Variants in SGCZ observed in about 807,000 individuals in gnomAD.
The protein encoded by SGCZ is sarcoglycan zeta.
In SGCZ, 40 loss-of-function variants were observed where a neutral mutation model predicts 41.3. The observed-to-expected ratio is 0.97, with a 90% CI of 0.75 to 1.26. The LOEUF (loss-of-function observed/expected upper bound fraction) is 1.26, where lower values mean the gene tolerates loss of function less well. Among genes scored for constraint, SGCZ ranks in the 50% most tolerant of loss-of-function variants. SGCZ has a pLI of 0.00. For missense variants in SGCZ, 552 were observed against 369.8 expected, an observed-to-expected ratio of 1.49 and a Z score of -4.04; for synonymous variants, 206 against 137.5, an observed-to-expected ratio of 1.50 and a Z score of -3.49.
intron 2 of SGCZ, among the ~76,000 whole-genome samples, chr8:14,399,632 T>C (rs530877662): frequency 6.6e-6 from 1 of 152,284 alleles, no homozygotes; most frequent in South Asian, 2.1e-4. Flanking sequence ...TTGTGTGCCC[T>C]TTATTCAACT....
At chr8:14,978,653 C>T (rs1017937761) in intron 1 of SGCZ, among the ~76,000 whole-genome samples, 11 of 151,986 alleles carry the variant, frequency 7.2e-5, no homozygotes, top group Non-Finnish European at 1.5e-4. Flanking sequence ...TGAAACAAGT[C>T]TTCAAATCTC....
chr8:14,525,898 G>C (rs1349131465), intron 2 of SGCZ, among the ~76,000 whole-genome samples: 2 of 151,786 alleles, frequency 1.3e-5, no homozygotes. Context: ...ACGATGCAGA[G>C]TATTTTACTT....
intron 2 of SGCZ, among the ~76,000 whole-genome samples, chr8:14,335,795 C>G (rs147271517): frequency 9.1e-4 from 139 of 152,170 alleles, no homozygotes; most frequent in African/African-American, 3.3e-3. Flanking sequence ...GAGCTTGTGC[C>G]AGTCTCTATT....
intron 2 of SGCZ, among the ~76,000 whole-genome samples, chr8:14,331,465 G>A (rs1177358456): frequency 6.6e-6 from 1 of 152,004 alleles, no homozygotes; most frequent in Non-Finnish European, 1.5e-5. Flanking sequence ...TGCTTTATAT[G>A]TGTGTTTTAC....
chr8:14,375,238 G>A (rs144652359), intron 2 of SGCZ, among the ~76,000 whole-genome samples: 1 of 152,204 alleles, frequency 6.6e-6, no homozygotes, highest in African/African-American at 2.4e-5. Context: ...AGATATAACA[G>A]TTGTGCACTG....
At chr8:14,888,654 T>A (rs571542091) in intron 1 of SGCZ, among the ~76,000 whole-genome samples, 1 of 152,248 alleles carries the variant, frequency 6.6e-6, no homozygotes, top group East Asian at 1.9e-4. Flanking sequence ...GATAAGTAAT[T>A]CTTTAGTATA....
intron 6 of SGCZ, among the ~76,000 whole-genome samples, chr8:14,104,208 T>C (rs1414644451): frequency 6.6e-6 from 1 of 152,190 alleles, no homozygotes; most frequent in Non-Finnish European, 1.5e-5. Context: ...TAGTGAATTA[T>C]AATTGTATTC....
At chr8:14,532,898 T>C (rs1460241216) in intron 2 of SGCZ, among the ~76,000 whole-genome samples, 1 of 151,976 alleles carries the variant, frequency 6.6e-6, no homozygotes, top group Non-Finnish European at 1.5e-5. Context: ...ATAATGTCAT[T>C]GTGCAAACAA....
chr8:14,978,756 G>A (rs7834329), intron 1 of SGCZ, among the ~76,000 whole-genome samples: 82,937 of 151,782 alleles, frequency 0.55, 23,041 homozygotes, highest in African/African-American at 0.59. Context: ...AAAGAAGACC[G>A]ATAAATTGAT....
At chr8:14,172,077 T>A (rs1488392614) in intron 4 of SGCZ, among the ~76,000 whole-genome samples, 1 of 152,092 alleles carries the variant, frequency 6.6e-6, no homozygotes, top group Non-Finnish European at 1.5e-5. Context: ...TCACAGAAAG[T>A]CTGGTTTCTG....
intron 3 of SGCZ, among the ~76,000 whole-genome samples, chr8:14,281,929 C>A (rs1394489550): frequency 1.3e-5 from 2 of 151,660 alleles, no homozygotes; most frequent in Non-Finnish European, 2.9e-5. Context: ...CTTATTTTTC[C>A]TACACTCCAT....
chr8:14,127,540 C>T (rs1802900155), intron 5 of SGCZ, among the ~76,000 whole-genome samples: 1 of 152,118 alleles, frequency 6.6e-6, no homozygotes. Context: ...ACTGCATCCT[C>T]CGCCTCCCGG....
At chr8:14,287,708 TC>T (rs1227343202) in intron 3 of SGCZ, among the ~76,000 whole-genome samples, 1 of 152,028 alleles carries the variant, frequency 6.6e-6, no homozygotes, top group Non-Finnish European at 1.5e-5. Context: ...TTCTTCAGGT[TC>T]CCCCATTATC....
chr8:14,397,352 A>G (rs1798947926), intron 2 of SGCZ, among the ~76,000 whole-genome samples: 1 of 152,176 alleles, frequency 6.6e-6, no homozygotes, highest in Admixed American at 6.6e-5. Flanking sequence ...CTCCTTCCCA[A>G]TTAAAATAAA....
chr8:14,276,669 A>G (rs1300851585), intron 3 of SGCZ, among the ~76,000 whole-genome samples: 3 of 152,040 alleles, frequency 2.0e-5, no homozygotes, highest in African/African-American at 4.8e-5. Flanking sequence ...TTTCTTTCCA[A>G]TTTGTATTTT....
chr8:15,164,349 A>AGCTCCCAGCC (rs1251362693), intron 1 of SGCZ, among the ~76,000 whole-genome samples: 1 of 151,962 alleles, frequency 6.6e-6, no homozygotes, highest in East Asian at 2.0e-4. Context: ...GGTGAGCAGC[A>AGCTCCCAGCC]GCTCCCAGCC....
rs562677204 is a variant in SGCZ, at chr8:14,594,803, G to C, written c.40-39877C>G. On this transcript the variant is annotated intron_variant, in intron 1 of 7. Transcript: ENST00000382080. ...AGTAATTCAGTGTTTCCTGATTAAAGAGACTATGCAATGTTATGACGTAAG... is the reference window on the plus strand; with the variant it reads ...AGTAATTCAGTGTTTCCTGATTAAACAGACTATGCAATGTTATGACGTAAG... Among the ~76,000 whole-genome samples, 27 of 151,952 alleles carry C rather than the reference G, an allele frequency of 1.8e-4. 1 individual carries two copies. The highest frequency in any genetic ancestry group is 5.8e-4 in the African/African-American group (24 of 41,286).
At chr8:14,585,127 C>G (rs1805016777) in intron 1 of SGCZ, among the ~76,000 whole-genome samples, 1 of 152,198 alleles carries the variant, frequency 6.6e-6, no homozygotes, top group East Asian at 1.9e-4. Context: ...TAGATAATCT[C>G]TACTAATAAA....
Position 14,408,413 on chromosome 8 carries a change from C to A in SGCZ, c.235-84209G>T, listed in dbSNP as rs772097530. 3.4e-3 allele frequency among the ~76,000 whole-genome samples: 520 copies of A among 152,146 alleles called. 5 individuals are homozygous for A. The highest frequency in any genetic ancestry group is 5.4e-3 in the Non-Finnish European group (368 of 67,990). On this transcript the variant is annotated intron_variant, in intron 2 of 7. Transcript: ENST00000382080. ...CACTTATTTCCTCCTCTCGTCCCAC[C>A]CCTAATATCCAATAAATCATGAAAT...
Sources: gnomAD v4.1 joint callset for allele counts (sites outside exome capture counted in the v4.1 genomes callset) on GRCh38, gnomAD v4.1.1 for gene constraint, MANE v1.5 for transcripts, NCBI Gene and HGNC (gene_info 2026-07-23, HGNC 2026-07-21) for gene names.